Variants in TCFL5 observed in about 807,000 individuals in gnomAD.
TCFL5 encodes transcription factor like 5, also known as transcription factor-like 5 protein.
Under a neutral mutation model 44.3 loss-of-function variants are expected in TCFL5, and 9 were observed. The observed-to-expected ratio is 0.20, with a 90% CI of 0.12 to 0.35. The LOEUF (loss-of-function observed/expected upper bound fraction) is 0.35, where lower values mean the gene tolerates loss of function less well. Ranked by LOEUF, TCFL5 falls within the 10% of genes least tolerant of loss-of-function variation. The pLI, the probability that TCFL5 is intolerant of heterozygous loss-of-function variation, is 1.00. For missense variants in TCFL5, 603 were observed against 613.4 expected, an observed-to-expected ratio of 0.98 and a Z score of 0.18; for synonymous variants, 319 against 271.6, an observed-to-expected ratio of 1.17 and a Z score of -1.72.
intron 5 of TCFL5, among the ~76,000 whole-genome samples, chr20:62,848,847 C>G (rs1483230664): frequency 6.6e-6 from 1 of 151,858 alleles, no homozygotes; most frequent in Admixed American, 6.6e-5. Context: ...ATCAGCCTGG[C>G]CAACATGGTG....
chr20:62,843,455 G>A (rs1342713504), intron 5 of TCFL5, among the ~76,000 whole-genome samples: 1 of 151,980 alleles, frequency 6.6e-6, no homozygotes, highest in Non-Finnish European at 1.5e-5. Context: ...GAGGGGATAG[G>A]TGAAACAAGC....
chr20:62,843,294 A>C (rs1451976323), intron 5 of TCFL5, among the ~76,000 whole-genome samples: 1 of 152,140 alleles, frequency 6.6e-6, no homozygotes, highest in Non-Finnish European at 1.5e-5. Flanking sequence ...CGGGAAGGAG[A>C]CTCAGGTGGG....
At chr20:62,856,050 A>T (rs1320125873) in intron 4 of TCFL5, among the ~76,000 whole-genome samples, 2 of 151,878 alleles carry the variant, frequency 1.3e-5, no homozygotes, top group Admixed American at 6.6e-5. Context: ...GGAGTTCGAG[A>T]CCAACCTGGC....
intron 5 of TCFL5, chr20:62,845,815 GCT>G (rs773309464): frequency 3.1e-6 from 5 of 1,601,152 alleles, no homozygotes; most frequent in African/African-American, 1.3e-5. Flanking sequence ...TGTCCAGGCT[GCT>G]CTCTCATTAT....
chr20:62,856,896 T>C (rs2063901006), intron 4 of TCFL5, among the ~76,000 whole-genome samples: 1 of 152,114 alleles, frequency 6.6e-6, no homozygotes, highest in Non-Finnish European at 1.5e-5. Context: ...GTGCAAACGA[T>C]ATGGCTGACA....
intron 5 of TCFL5, among the ~76,000 whole-genome samples, chr20:62,848,373 C>T (rs1005804512): frequency 2.6e-5 from 4 of 152,212 alleles, no homozygotes; most frequent in African/African-American, 4.8e-5. Context: ...ACTATTGAGA[C>T]AGCAGGCAAA....
intron 5 of TCFL5, among the ~76,000 whole-genome samples, chr20:62,849,308 T>C (rs1348692408): frequency 6.6e-6 from 1 of 152,202 alleles, no homozygotes; most frequent in Non-Finnish European, 1.5e-5. Context: ...AAGAGCTCTT[T>C]GTACTGTTCT....
chr20:62,859,261 G>A, intron 3 of TCFL5, 103 bp downstream of exon 3: 1 of 1,142,988 alleles, frequency 8.7e-7, no homozygotes, highest in Non-Finnish European at 1.3e-6. Flanking sequence ...TGTTTCACAT[G>A]TGTACAAACC....
chr20:62,845,552 TTTCAGGACAA>T, intron 5 of TCFL5: 1 of 1,479,496 alleles, frequency 6.8e-7, no homozygotes, highest in Non-Finnish European at 9.0e-7. Context: ...AGAATTCACC[TTTCAGGACAA>T]TTAAATGAAA....
chr20:62,854,842 T>C (rs1001614416), intron 4 of TCFL5, among the ~76,000 whole-genome samples: 1 of 152,216 alleles, frequency 6.6e-6, no homozygotes, highest in Non-Finnish European at 1.5e-5. Context: ...CCCGTCTATT[T>C]AGAACTTTAA....
chr20:62,860,009 T>C, intron 2 of TCFL5, 116 bp downstream of exon 2: 1 of 1,089,128 alleles, frequency 9.2e-7, no homozygotes, highest in Non-Finnish European at 1.3e-6. Flanking sequence ...GCGCCCGGCT[T>C]AAAAGGTTAT....
rs535216846 is a variant in TCFL5 at position 62,850,990 on chromosome 20, T to C, written c.1380+3026A>G. On this transcript the variant is annotated intron_variant, in intron 5 of 5. Transcript: ENST00000335351. Reference sequence around the variant, plus strand: ...CCCCTGCCTCCCTCCATGCCAGACATGCCTCTATCTTGCGCAGGGTACCCC... The same window carrying C: ...CCCCTGCCTCCCTCCATGCCAGACACGCCTCTATCTTGCGCAGGGTACCCC... Among the ~76,000 whole-genome samples, 3 of 152,328 alleles carry C rather than the reference T, an allele frequency of 2.0e-5. No homozygotes were observed. In the East Asian group the frequency reaches 5.8e-4, roughly 29 times the overall value.
intron 5 of TCFL5, among the ~76,000 whole-genome samples, chr20:62,853,070 G>C (rs529883338): frequency 1.4e-5 from 2 of 145,026 alleles, no homozygotes; most frequent in African/African-American, 5.6e-5. Flanking sequence ...ACAGTCACCC[G>C]GTCCGCAGAA....
intron 4 of TCFL5, among the ~76,000 whole-genome samples, chr20:62,856,396 C>A (rs948741993): frequency 2.0e-5 from 3 of 151,682 alleles, no homozygotes; most frequent in Non-Finnish European, 4.4e-5. Flanking sequence ...CTCTTCCTTC[C>A]CAGCAATCTT....
At chr20:62,843,757 G>A (rs1045064540) in intron 5 of TCFL5, among the ~76,000 whole-genome samples, 30 of 152,122 alleles carry the variant, frequency 2.0e-4, no homozygotes, top group Non-Finnish European at 3.2e-4. Context: ...ACACCGCTCC[G>A]GCCCCCAGCC....
chr20:62,856,432 C>T (rs1206306732), intron 4 of TCFL5, among the ~76,000 whole-genome samples: 9 of 150,222 alleles, frequency 6.0e-5, no homozygotes, highest in Non-Finnish European at 5.9e-5. Flanking sequence ...TAGCCAGGAG[C>T]GGTGGCTCAC....
chr20:62,843,221 T>A (rs902064030), intron 5 of TCFL5, among the ~76,000 whole-genome samples: 1 of 152,210 alleles, frequency 6.6e-6, no homozygotes, highest in East Asian at 1.9e-4. Context: ...GATGTTTGGA[T>A]CCTGATTCAA....
chr20:62,856,562 C>T (rs1488509646), intron 4 of TCFL5, among the ~76,000 whole-genome samples: 1 of 151,642 alleles, frequency 6.6e-6, no homozygotes, highest in Non-Finnish European at 1.5e-5. Flanking sequence ...AAAAATTAGC[C>T]AGGTGTGGTG....
Position 62,845,733 on chromosome 20 carries a change from TGTC to T in TCFL5, c.1381-3639_1381-3637del, listed in dbSNP as rs762364550. On this transcript the variant is annotated intron_variant, in intron 5 of 5. Coordinates refer to ENST00000335351, the MANE Select transcript of TCFL5 (RefSeq NM_006602.4). The stretch of plus-strand genomic sequence containing the variant: ...TGACGAGGACTCGGAGACATATTTC[TGTC>T]CCTGCCCATGCGGAGATAACTTCTC... 1.3e-5 allele frequency: 21 copies of T among 1,606,670 alleles called. No individual in the cohort carries two copies. In the South Asian group the frequency reaches 2.3e-4, roughly 18 times the overall value.
Sources: allele counts gnomAD v4.1 joint callset (sites outside exome capture counted in the v4.1 genomes callset), GRCh38; gene constraint gnomAD v4.1.1; transcripts MANE v1.5; gene names NCBI Gene and HGNC (gene_info 2026-07-23, HGNC 2026-07-21).